The following SCHIP1 variants were observed in gnomAD, a reference collection of about 807,000 sequenced individuals.
SCHIP1 encodes the protein schwannomin-interacting protein 1.
A neutral mutation model predicts 29.7 loss-of-function variants in SCHIP1; 8 were observed. The observed-to-expected ratio is 0.27, with a 90% CI of 0.16 to 0.49. The LOEUF (loss-of-function observed/expected upper bound fraction) is 0.49. SCHIP1 is among the 20% of genes least tolerant of loss of function. SCHIP1 has a pLI of 0.99. For missense variants in SCHIP1, 193 were observed against 294.6 expected (o/e 0.66, Z 2.52); for synonymous variants, 76 against 94.9 (o/e 0.80, Z 1.16).
chr3:159,780,850 C>T, the SCHIP1 span, among the ~76,000 whole-genome samples: 1 of 152,342 alleles, frequency 6.6e-6, no homozygotes, highest in Middle Eastern at 3.4e-3. Context: ...AAGATTCAGA[C>T]ACTGAGCTGA....
the SCHIP1 span, among the ~76,000 whole-genome samples, chr3:159,824,754 A>G: frequency 6.6e-6 from 1 of 152,254 alleles, no homozygotes; most frequent in Non-Finnish European, 1.5e-5. Context: ...AGAGACTCAC[A>G]CCACATCCAC....
chr3:159,875,105 A>C (rs1436566866), intron 2 of SCHIP1, among the ~76,000 whole-genome samples: 1 of 152,174 alleles, frequency 6.6e-6, no homozygotes, highest in African/African-American at 2.4e-5. Flanking sequence ...ACAATTTCAA[A>C]AGTGAAGCAA....
At chr3:159,572,723 CT>C in the SCHIP1 span, among the ~76,000 whole-genome samples, 14 of 152,176 alleles carry the variant, frequency 9.2e-5, no homozygotes, top group Admixed American at 7.2e-4. Context: ...GTGTTAAAGT[CT>C]CCCATTAGTA....
chr3:159,565,636 C>G, the SCHIP1 span, among the ~76,000 whole-genome samples: 2 of 152,130 alleles, frequency 1.3e-5, no homozygotes, highest in Admixed American at 1.3e-4. Context: ...TTTACATGTG[C>G]TCATAAGTTC....
At chr3:159,595,814 T>C in the SCHIP1 span, among the ~76,000 whole-genome samples, 1 of 152,094 alleles carries the variant, frequency 6.6e-6, no homozygotes, top group African/African-American at 2.4e-5. Context: ...TCATCTGTCC[T>C]CAGAACGAAC....
the SCHIP1 span, among the ~76,000 whole-genome samples, chr3:159,506,486 C>T: frequency 1.3e-5 from 2 of 152,204 alleles, no homozygotes; most frequent in African/African-American, 4.8e-5. Context: ...TCCCATTTGT[C>T]AATTTTGGCT....
the SCHIP1 span, among the ~76,000 whole-genome samples, chr3:159,484,384 C>A: frequency 1.3e-5 from 2 of 152,082 alleles, no homozygotes; most frequent in African/African-American, 4.8e-5. Context: ...TCAGGCAATC[C>A]GTGTAGTTGG....
chr3:159,364,469 G>A, the SCHIP1 span, among the ~76,000 whole-genome samples: 1 of 152,140 alleles, frequency 6.6e-6, no homozygotes, highest in Non-Finnish European at 1.5e-5. Context: ...CTTCTTGCAT[G>A]TCAAAAGAGA....
the SCHIP1 span, among the ~76,000 whole-genome samples, chr3:159,468,133 T>C: frequency 2.0e-5 from 3 of 152,174 alleles, no homozygotes; most frequent in African/African-American, 4.8e-5. Context: ...AGATTTATCA[T>C]AGTAGGCTGG....
chr3:159,764,903 C>A, the SCHIP1 span: 1 of 1,543,528 alleles, frequency 6.5e-7, no homozygotes, highest in Admixed American at 2.0e-5. The surrounding 1 kb of genome is among the most constrained non-coding windows in gnomAD (Gnocchi z 6.1). Context: ...CCGAGCTGTT[C>A]CCGGGGCCCC....
chr3:159,810,165 C>T, the SCHIP1 span, among the ~76,000 whole-genome samples: 4 of 152,180 alleles, frequency 2.6e-5, no homozygotes, highest in South Asian at 6.2e-4. Flanking sequence ...CCTGCCTCGG[C>T]CTCCCGAGTA....
chr3:159,809,660 CA>C, the SCHIP1 span, among the ~76,000 whole-genome samples: 22,545 of 98,404 alleles, frequency 0.23, 1,709 homozygotes, highest in South Asian at 0.37. Context: ...AACTCCATCT[CA>C]AAAAAAAAAA....
the SCHIP1 span, among the ~76,000 whole-genome samples, chr3:159,467,403 A>G: frequency 6.6e-6 from 1 of 152,088 alleles, no homozygotes; most frequent in South Asian, 2.1e-4. Flanking sequence ...AAATAACTAG[A>G]AATAGAATAG....
At chr3:159,569,429 G>A in the SCHIP1 span, among the ~76,000 whole-genome samples, 176 of 152,150 alleles carry the variant, frequency 1.2e-3, no homozygotes, top group Non-Finnish European at 2.0e-3. Context: ...TTGGTTTTCT[G>A]TCCTTGTGAT....
the SCHIP1 span, among the ~76,000 whole-genome samples, chr3:159,718,540 G>T: frequency 2.6e-5 from 4 of 152,116 alleles, no homozygotes; most frequent in Non-Finnish European, 5.9e-5. Context: ...AAAGTCTCAG[G>T]ATAGAAAATC....
chr3:159,340,029 C>A, the SCHIP1 span, among the ~76,000 whole-genome samples: 1 of 151,894 alleles, frequency 6.6e-6, no homozygotes, highest in Non-Finnish European at 1.5e-5. Context: ...AGTCAGTTTT[C>A]AATTATTAGT....
At chr3:159,832,169 A>G in the SCHIP1 span, among the ~76,000 whole-genome samples, 1 of 152,200 alleles carries the variant, frequency 6.6e-6, no homozygotes, top group South Asian at 2.1e-4. Context: ...AGCTCCAACC[A>G]AGCAGCTTTA....
chr3:159,811,005 G>A, the SCHIP1 span, among the ~76,000 whole-genome samples: 2 of 152,150 alleles, frequency 1.3e-5, no homozygotes, highest in Non-Finnish European at 2.9e-5. Flanking sequence ...TACTGGGCAC[G>A]AAGTATAATA....
At chr3:159,445,932 T>G in the SCHIP1 span, among the ~76,000 whole-genome samples, 2 of 150,426 alleles carry the variant, frequency 1.3e-5, no homozygotes, top group Non-Finnish European at 3.0e-5. Context: ...TGCTAAATGA[T>G]GAGTTAATGG....
Sources: allele counts gnomAD v4.1 joint callset (sites outside exome capture counted in the v4.1 genomes callset), GRCh38; gene constraint gnomAD v4.1.1; non-coding constraint Gnocchi (gnomAD v3.1); transcripts MANE v1.5; gene names NCBI Gene and HGNC (gene_info 2026-07-23, HGNC 2026-07-21).